The following MPDZ variants were observed in gnomAD, a reference collection of about 807,000 sequenced individuals.
MPDZ encodes multiple PDZ domain protein.
A neutral mutation model predicts 239.1 loss-of-function variants in MPDZ; 234 were observed. The observed-to-expected ratio is 0.98, with a 90% CI of 0.88 to 1.09. The LOEUF is 1.09. MPDZ is among the 50% of genes least tolerant of loss of function. MPDZ has a pLI of 0.00. For missense variants in MPDZ, 3,175 were observed against 2,510.0 expected, an observed-to-expected ratio of 1.26 and a Z score of -5.66; for synonymous variants, 1,048 against 881.3, an observed-to-expected ratio of 1.19 and a Z score of -3.35.
At chr9:13,224,616 G>A in intron 3 of MPDZ, 33 bp from the exon 4 acceptor site, 2 of 1,409,044 alleles carry the variant, frequency 1.4e-6, no homozygotes, top group African/African-American at 2.8e-5. Flanking sequence ...TAAGAATTTT[G>A]ACATTCCATA....
At chr9:13,205,232 A>G in intron 11 of MPDZ, 125 bp from the exon 12 acceptor site, 2 of 516,124 alleles carry the variant, frequency 3.9e-6, no homozygotes, top group Non-Finnish European at 6.5e-6. Context: ...AAACTTCTCA[A>G]TAACTATATG....
At position 13,219,558 on chromosome 9, in the gene MPDZ, C is replaced by T. The variant is rs2136217634; in HGVS notation, c.1086+1G>A. 6.2e-7 allele frequency: 1 copy of T among 1,611,070 alleles called. No homozygotes were observed. Among genetic ancestry groups the T allele is most frequent in the Non-Finnish European group, 8.5e-7 (1 of 1,178,268 alleles). On this transcript the variant is annotated splice_donor_variant, in intron 8 of 46. Transcript: ENST00000319217. LOFTEE classifies it high-confidence loss of function. ...CACATTAACTACTCTTAACTACTTA[C>T]CCGCAACTCTGGTGTTGAAGTTGGG... is the stretch of plus-strand genomic sequence containing the variant.
intron 12 of MPDZ, among the ~76,000 whole-genome samples, chr9:13,198,735 C>CTG (rs1243812686): frequency 0.013 from 217 of 17,096 alleles, no homozygotes; most frequent in South Asian, 0.021. Context: ...TAATCTCTCT[C>CTG]TCTGTGTGTG....
At chr9:13,129,876 C>T (rs142837808) in intron 32 of MPDZ, among the ~76,000 whole-genome samples, 96 of 151,938 alleles carry the variant, frequency 6.3e-4, no homozygotes, top group African/African-American at 2.2e-3. Context: ...TTTTGAACAA[C>T]GAGTTGTATA....
At chr9:13,269,753 T>C (rs562527761) in intron 1 of MPDZ, among the ~76,000 whole-genome samples, 2 of 152,206 alleles carry the variant, frequency 1.3e-5, no homozygotes, top group Admixed American at 6.5e-5. Context: ...CTGATAAGCT[T>C]GTCAGTCATT....
intron 40 of MPDZ, among the ~76,000 whole-genome samples, 152 bp from the exon 41 acceptor site, chr9:13,114,173 A>AT (rs202197283): frequency 5.3e-5 from 8 of 151,966 alleles, no homozygotes; most frequent in Non-Finnish European, 1.0e-4. Flanking sequence ...GTTCCTACTG[A>AT]TTTTTTTTCT....
intron 10 of MPDZ, among the ~76,000 whole-genome samples, chr9:13,208,481 G>A (rs532564280): frequency 5.3e-5 from 8 of 150,980 alleles, no homozygotes; most frequent in African/African-American, 1.9e-4. Flanking sequence ...AAAAGACCTA[G>A]ATCAGTTGTC....
intron 21 of MPDZ, among the ~76,000 whole-genome samples, chr9:13,172,365 T>G (rs1217926431): frequency 1.4e-5 from 2 of 147,626 alleles, no homozygotes; most frequent in Non-Finnish European, 3.0e-5. Flanking sequence ...ATTTCACACT[T>G]AAATGTCTTA....
chr9:13,140,348 A>C (rs927948997), intron 27 of MPDZ, among the ~76,000 whole-genome samples, 199 bp from the exon 28 acceptor site: 2 of 147,612 alleles, frequency 1.4e-5, no homozygotes, highest in African/African-American at 4.9e-5. Flanking sequence ...TATAATACCT[A>C]ACAAATAATG....
At chr9:13,261,492 T>C (rs1372239044) in intron 1 of MPDZ, among the ~76,000 whole-genome samples, 1 of 152,014 alleles carries the variant, frequency 6.6e-6, no homozygotes, top group Non-Finnish European at 1.5e-5. Context: ...GCTTACGAAA[T>C]ACCCTTGTTC....
chr9:13,235,475 T>G lies in MPDZ; in HGVS notation c.184-10892A>C, dbSNP rs1317690218. Among the ~76,000 whole-genome samples, 5 of 152,306 alleles carry G rather than the reference T, an allele frequency of 3.3e-5. No homozygotes were observed. In the East Asian group the frequency reaches 9.6e-4, roughly 29 times the overall value. The stretch of plus-strand genomic sequence containing the variant: ...AAAATGCTTTCCATAATCACTAATG[T>G]GTTAAATATCCTATAAAATTATTCT... On this transcript the variant is annotated intron_variant, in intron 3 of 46. Transcript: ENST00000319217.
chr9:13,159,891 G>T (rs1950262052), intron 23 of MPDZ, among the ~76,000 whole-genome samples: 1 of 152,070 alleles, frequency 6.6e-6, no homozygotes, highest in Non-Finnish European at 1.5e-5. Context: ...ATGTCTTCCT[G>T]CATGCACTCA....
At chr9:13,222,115 G>C in intron 6 of MPDZ, 118 bp downstream of exon 6, 2 of 692,914 alleles carry the variant, frequency 2.9e-6, no homozygotes, top group East Asian at 5.7e-5. Flanking sequence ...AAAAATAAAA[G>C]AATAGTCAGA....
chr9:13,147,526 C>T (rs372658032), intron 26 of MPDZ, 22 bp downstream of exon 26: 26 of 1,569,790 alleles, frequency 1.7e-5, no homozygotes, highest in African/African-American at 1.1e-4. Flanking sequence ...ATATGCCTAC[C>T]TTGCCCTTTG....
In MPDZ at chr9:13,203,728, C is replaced by CCACACACA. The variant is rs58472339; in HGVS notation, c.1546+1300_1546+1307dup. ...TCTATAGTCACCCCCATGTATCCTG[C>CCACACACA]CACACACACACACACACACACACAC... On this transcript the variant is annotated intron_variant, in intron 12 of 46. Coordinates refer to ENST00000319217, the MANE Select transcript of MPDZ (RefSeq NM_001378778.1). Among the ~76,000 whole-genome samples, 515 of 140,554 alleles carry CCACACACA rather than the reference C, an allele frequency of 3.7e-3. 2 individuals carry two copies. Among genetic ancestry groups the CCACACACA allele is most frequent in the African/African-American group, 0.012 (441 of 37,690 alleles). The allele number at this position is 140,554 out of a possible 152,430, so 92.2% of individuals were successfully genotyped here. A position where few individuals can be genotyped will look rare whatever the true frequency, so the allele number is the denominator to read the frequency against.
chr9:13,180,638 G>C (rs966532469), intron 19 of MPDZ, among the ~76,000 whole-genome samples: 1 of 152,098 alleles, frequency 6.6e-6, no homozygotes, highest in Non-Finnish European at 1.5e-5. Flanking sequence ...CATATCTTTG[G>C]AGGTAACAAG....
intron 10 of MPDZ, among the ~76,000 whole-genome samples, chr9:13,209,075 G>A (rs1957325125): frequency 6.6e-6 from 1 of 152,036 alleles, no homozygotes; most frequent in African/African-American, 2.4e-5. Context: ...TGTATGTGTG[G>A]GAATAGCCTG....
At chr9:13,227,526 GA>G (rs1428994214) in intron 3 of MPDZ, among the ~76,000 whole-genome samples, 1 of 151,898 alleles carries the variant, frequency 6.6e-6, no homozygotes, top group East Asian at 1.9e-4. Context: ...GTTTGCATAG[GA>G]AAAAATATTT....
chr9:13,237,661 A>G (rs1964414433), intron 3 of MPDZ, among the ~76,000 whole-genome samples: 3 of 152,064 alleles, frequency 2.0e-5, no homozygotes, highest in Admixed American at 2.0e-4. Context: ...AAAAATAAAC[A>G]AAGTAAGCCT....
Sources: allele counts gnomAD v4.1 joint callset (sites outside exome capture counted in the v4.1 genomes callset), GRCh38; gene constraint gnomAD v4.1.1; transcripts MANE v1.5; gene names NCBI Gene and HGNC (gene_info 2026-07-23, HGNC 2026-07-21).